Variants in TULP4 observed in about 807,000 individuals in gnomAD.
TULP4 encodes the protein TUB like protein 4.
TULP4 carries 16 observed loss-of-function variants against 129.0 expected under a neutral mutation model. The observed-to-expected ratio is 0.12, with a 90% CI of 0.08 to 0.19. The LOEUF is 0.19. Among genes scored for constraint, TULP4 ranks in the 10% least tolerant of loss-of-function variants. The pLI, the probability that TULP4 is intolerant of heterozygous loss-of-function variation, is 1.00. For missense variants in TULP4, 1,842 were observed against 2,059.1 expected, an observed-to-expected ratio of 0.89 and a Z score of 2.04; for synonymous variants, 998 against 854.0, an observed-to-expected ratio of 1.17 and a Z score of -2.94.
intron 1 of TULP4, among the ~76,000 whole-genome samples, chr6:158,240,588 A>G (rs1234742777): frequency 6.5e-5 from 5 of 77,406 alleles, no homozygotes; most frequent in African/African-American, 8.3e-5. Context: ...ACTTCCCAGT[A>G]GGGGCGGCCG....
chr6:158,422,225 T>G (rs1778361098), intron 2 of TULP4, among the ~76,000 whole-genome samples: 2 of 152,140 alleles, frequency 1.3e-5, no homozygotes. Flanking sequence ...TAGACAGATG[T>G]CTTGCAAAAC....
intron 1 of TULP4, among the ~76,000 whole-genome samples, chr6:158,350,243 CGGGGCGGCCGGGCAG>C (rs1562530649): frequency 1.6e-5 from 2 of 126,924 alleles, no homozygotes; most frequent in African/African-American, 5.6e-5. Context: ...ACTTCCCAGA[CGGGGCGGCCGGGCAG>C]AGGGGCTCCT....
intron 1 of TULP4, among the ~76,000 whole-genome samples, chr6:158,367,381 T>C (rs1776942192): frequency 6.6e-6 from 1 of 152,238 alleles, no homozygotes; most frequent in South Asian, 2.1e-4. Flanking sequence ...TCTTCATAGA[T>C]GATTGCTGGA....
intron 1 of TULP4, among the ~76,000 whole-genome samples, chr6:158,333,989 G>T (rs1393634131): frequency 6.6e-6 from 1 of 152,138 alleles, no homozygotes; most frequent in African/African-American, 2.4e-5. Flanking sequence ...GCCTCGTCCT[G>T]TTGCTATTGC....
chr6:158,474,904 G>C (rs751204136), intron 6 of TULP4, among the ~76,000 whole-genome samples: 1 of 152,178 alleles, frequency 6.6e-6, no homozygotes, highest in South Asian at 2.1e-4. Flanking sequence ...TACTTCACCT[G>C]TATTTATTCT....
At chr6:158,374,850 T>G (rs1302766799) in intron 1 of TULP4, among the ~76,000 whole-genome samples, 1 of 152,218 alleles carries the variant, frequency 6.6e-6, no homozygotes, top group Non-Finnish European at 1.5e-5. Flanking sequence ...TTTTCCAAAG[T>G]AGCTTATTAA....
chr6:158,423,312 A>G (rs1778397818), intron 2 of TULP4, among the ~76,000 whole-genome samples: 1 of 152,276 alleles, frequency 6.6e-6, no homozygotes, highest in Non-Finnish European at 1.5e-5. Flanking sequence ...ATTAGACTTC[A>G]TCGAAATTTA....
intron 1 of TULP4, among the ~76,000 whole-genome samples, chr6:158,355,242 C>T (rs1780618791): frequency 6.6e-6 from 1 of 152,062 alleles, no homozygotes; most frequent in Non-Finnish European, 1.5e-5. Context: ...TGTCCCATGC[C>T]CAGGTAATTA....
Position 158,241,795 on chromosome 6 carries a change from G to A in TULP4, n.68+9492G>A, listed in dbSNP as rs943652293. On this transcript the variant is annotated intron_variant and non_coding_transcript_variant, in intron 1 of 1. Coordinates refer to the TULP4 transcript ENST00000620026. ...TTTTTAGTAGAGACGGGGTTTTACC[G>A]TATTGGCCAGGCTGGTCTCGAACTC... 3.6e-5 allele frequency: 18 copies of A among 497,750 alleles called. 1 individual carries two copies. The highest frequency in any genetic ancestry group is 1.7e-4 in the South Asian group (9 of 52,300). The allele number at this position is 497,750 out of a possible 1,614,324, so 30.8% of individuals were successfully genotyped here. A position where few individuals can be genotyped will look rare whatever the true frequency, so the allele number is the denominator to read the frequency against.
intron 1 of TULP4, among the ~76,000 whole-genome samples, chr6:158,265,352 C>T (rs1054332584): frequency 6.6e-6 from 1 of 152,036 alleles, no homozygotes; most frequent in Non-Finnish European, 1.5e-5. Context: ...TAACCTTCTC[C>T]CACAAAACAT....
chr6:158,385,847 T>TTTTTTTTTTTTTTTTTTTTTG (rs1777434750), intron 1 of TULP4, among the ~76,000 whole-genome samples: 1 of 133,072 alleles, frequency 7.5e-6, no homozygotes, highest in Non-Finnish European at 1.6e-5. Flanking sequence ...AATATCTTTT[T>TTTTTTTTTTTTTTTTTTTTTG]TTTTTTTTTT....
chr6:158,324,134 C>T (rs932794959), intron 1 of TULP4, among the ~76,000 whole-genome samples: 3 of 152,246 alleles, frequency 2.0e-5, no homozygotes, highest in Admixed American at 6.5e-5. Context: ...ATGGATGTTC[C>T]GCTTTTATCT....
At chr6:158,362,111 T>C (rs923002127) in intron 1 of TULP4, among the ~76,000 whole-genome samples, 3 of 152,248 alleles carry the variant, frequency 2.0e-5, no homozygotes, top group African/African-American at 7.2e-5. Flanking sequence ...ATAACTGTCC[T>C]GTGTCTAAAA....
intron 1 of TULP4, among the ~76,000 whole-genome samples, chr6:158,327,594 A>C (rs1352682351): frequency 6.6e-6 from 1 of 152,154 alleles, no homozygotes; most frequent in South Asian, 2.1e-4. Context: ...GTTCTAATCT[A>C]CTGGCTGCTC....
intron 2 of TULP4, among the ~76,000 whole-genome samples, chr6:158,425,228 A>AACAGGCT (rs1412579414): frequency 6.7e-6 from 1 of 150,004 alleles, no homozygotes; most frequent in African/African-American, 2.5e-5. Flanking sequence ...AATGACTGAC[A>AACAGGCT]ACAGGCTGGG....
intron 3 of TULP4, among the ~76,000 whole-genome samples, chr6:158,434,176 C>G (rs1238492284): frequency 2.6e-5 from 4 of 152,112 alleles, no homozygotes. Flanking sequence ...CTTTACAGGC[C>G]CCATCTCCAA....
At chr6:158,255,566 C>T (rs1217858964) in intron 1 of TULP4, among the ~76,000 whole-genome samples, 1 of 152,282 alleles carries the variant, frequency 6.6e-6, no homozygotes, top group East Asian at 1.9e-4. Flanking sequence ...GTGGCCTTTT[C>T]TTCCTCTGAA....
Position 158,313,877 on chromosome 6 carries a change from A to C in TULP4, c.-140A>C, listed in dbSNP as rs1779422898. On this transcript the variant is annotated 5_prime_UTR_variant, in exon 1 of 14. Transcript: ENST00000367097. ...TTTATAAAATACTGACCTTCTAATT[A>C]GATTCAGGTCAGTCTTAATTAAAGG... The C allele has an allele frequency of 1.1e-6, 1 of 888,968 alleles. No homozygotes were observed. 55.1% of individuals were successfully genotyped at this position (888,968 alleles called of 1,614,324 possible). A position where few individuals can be genotyped will look rare whatever the true frequency, so the allele number is the denominator to read the frequency against.
intron 1 of TULP4, among the ~76,000 whole-genome samples, chr6:158,241,299 A>G (rs1430945523): frequency 7.9e-6 from 1 of 126,230 alleles, no homozygotes; most frequent in Non-Finnish European, 1.8e-5. Flanking sequence ...CACATCCCAG[A>G]TGATGGGCGG....
Sources: gnomAD v4.1 joint callset for allele counts (sites outside exome capture counted in the v4.1 genomes callset) on GRCh38, gnomAD v4.1.1 for gene constraint, MANE v1.5 for transcripts, NCBI Gene and HGNC (gene_info 2026-07-23, HGNC 2026-07-21) for gene names.